DOCK5: variants seen among roughly 807,000 people sequenced by gnomAD.
The protein encoded by DOCK5 is dedicator of cytokinesis 5.
In DOCK5, 142 loss-of-function variants were observed where a neutral mutation model predicts 251.8. That is an observed-to-expected ratio of 0.56 (90% CI 0.49 to 0.65). DOCK5 has a LOEUF of 0.65. Among genes scored for constraint, DOCK5 ranks in the 30% least tolerant of loss-of-function variants. The pLI, the probability that DOCK5 is intolerant of heterozygous loss-of-function variation, is 0.00. For synonymous variants in DOCK5, 842 were observed against 835.5 expected, an observed-to-expected ratio of 1.01 and a Z score of -0.13; for missense variants, 2,111 against 2,312.3, an observed-to-expected ratio of 0.91 and a Z score of 1.79.
At chr8:25,266,756 A>G (rs1803763377) in intron 2 of DOCK5, among the ~76,000 whole-genome samples, 1 of 151,894 alleles carries the variant, frequency 6.6e-6, no homozygotes, top group Non-Finnish European at 1.5e-5. Context: ...ATGAACATTC[A>G]CGTTTACAAA....
intron 13 of DOCK5, among the ~76,000 whole-genome samples, chr8:25,311,054 G>C (rs1805079331): frequency 6.6e-6 from 1 of 152,044 alleles, no homozygotes; most frequent in African/African-American, 2.4e-5. Context: ...GGCTCTCCCT[G>C]TTCTTGTTGT....
At chr8:25,370,904 A>G (rs1800861639) in intron 34 of DOCK5, among the ~76,000 whole-genome samples, 1 of 152,038 alleles carries the variant, frequency 6.6e-6, no homozygotes, top group Non-Finnish European at 1.5e-5. Context: ...TCGGCTTCCT[A>G]ATGGGCTGGG....
At chr8:25,387,989 A>G (rs1341625842) in intron 40 of DOCK5, among the ~76,000 whole-genome samples, 1 of 152,218 alleles carries the variant, frequency 6.6e-6, no homozygotes, top group African/African-American at 2.4e-5. Context: ...ATGGAATTTC[A>G]ACAGGCTTGA....
chr8:25,277,761 T>G (rs112049278), intron 4 of DOCK5, among the ~76,000 whole-genome samples: 7 of 152,288 alleles, frequency 4.6e-5, no homozygotes, highest in African/African-American at 1.4e-4. Flanking sequence ...TAGTAAGTAA[T>G]TTTTCATAGT....
At chr8:25,342,865 AT>A (rs971247499) in intron 25 of DOCK5, among the ~76,000 whole-genome samples, 9 of 148,630 alleles carry the variant, frequency 6.1e-5, no homozygotes, top group South Asian at 4.3e-4. Context: ...AGCCCAGCTA[AT>A]TTTTTTTTAT....
chr8:25,323,908 G>C lies in DOCK5; in HGVS notation c.1676G>C (p.Gly559Ala), dbSNP rs1262556374. ...TTCGTGAAGCTGATGAACCCGGATG[G>C]CACCACTCTGCAGGATGGGAGGCAC... is the stretch of plus-strand genomic sequence containing the variant. ...VAFVKLMNPDGTTLQDGRHDL... is the reference protein window; with the variant it reads ...VAFVKLMNPDATTLQDGRHDL... Residue 559 changes from glycine to alanine, a missense_variant, in exon 17 of 52, where the codon GGC becomes GCC. Around this residue, in one of 3 missense-constraint regions of DOCK5, gnomAD observed 1,717 missense variants for 1,892.4 expected, o/e 0.91. Transcript: ENST00000276440. 1 of 1,613,192 alleles carries C rather than the reference G, an allele frequency of 6.2e-7. No individual in the cohort carries two copies. The highest frequency in any genetic ancestry group is 1.7e-5 in the Admixed American group (1 of 59,912).
In DOCK5 at chr8:25,324,633, A is replaced by C. The variant is rs527480351; in HGVS notation, c.1719+682A>C. ...TAATTCTTCTTCCATCAACCCAATA[A>C]AGTATAATTGTCCCCATTTTTTAAT... On this transcript the variant is annotated intron_variant, in intron 17 of 51. Transcript: ENST00000276440. 2.1e-4 allele frequency among the ~76,000 whole-genome samples: 32 copies of C among 152,304 alleles called. No individual in the cohort carries two copies. The South Asian group carries it at 6.6e-3, about 32-fold the overall frequency.
intron 9 of DOCK5, among the ~76,000 whole-genome samples, chr8:25,300,939 C>T (rs1804745295): frequency 6.6e-6 from 1 of 152,150 alleles, no homozygotes; most frequent in Non-Finnish European, 1.5e-5. Flanking sequence ...GGGGCTCACG[C>T]CTGTAATCCC....
At chr8:25,247,891 G>C (rs1359613522) in intron 2 of DOCK5, among the ~76,000 whole-genome samples, 1 of 152,168 alleles carries the variant, frequency 6.6e-6, no homozygotes, top group Non-Finnish European at 1.5e-5. Flanking sequence ...CTTCAGTTAT[G>C]GTGATCCGGA....
intron 1 of DOCK5, among the ~76,000 whole-genome samples, chr8:25,232,409 T>G (rs1426506574): frequency 3.3e-5 from 5 of 152,232 alleles, no homozygotes; most frequent in Non-Finnish European, 7.3e-5. Context: ...TTTGGCTACA[T>G]GTCTAAGTCT....
chr8:25,287,679 T>C (rs1051277441), intron 5 of DOCK5, among the ~76,000 whole-genome samples: 3 of 152,144 alleles, frequency 2.0e-5, no homozygotes, highest in East Asian at 1.9e-4. Flanking sequence ...AGGATTGTGC[T>C]CTTTTGTGGA....
At chr8:25,296,454 C>T in intron 6 of DOCK5, 59 bp from the exon 7 acceptor site, 3 of 1,567,084 alleles carry the variant, frequency 1.9e-6, no homozygotes, top group East Asian at 2.3e-5. Flanking sequence ...GACAAGGACT[C>T]CTCAGTAAAA....
At chr8:25,253,757 A>G (rs1803338152) in intron 2 of DOCK5, among the ~76,000 whole-genome samples, 1 of 152,246 alleles carries the variant, frequency 6.6e-6, no homozygotes. Context: ...TTGAAATACT[A>G]AATAAATGGA....
At chr8:25,264,594 G>A (rs1803686990) in intron 2 of DOCK5, among the ~76,000 whole-genome samples, 1 of 151,780 alleles carries the variant, frequency 6.6e-6, no homozygotes, top group Non-Finnish European at 1.5e-5. Context: ...GGGAGGCCGA[G>A]GCTGGTGGAT....
At chr8:25,405,396 C>G (rs1447092559) in intron 48 of DOCK5, among the ~76,000 whole-genome samples, 1 of 151,222 alleles carries the variant, frequency 6.6e-6, no homozygotes, top group East Asian at 1.9e-4. Flanking sequence ...CTACTCAATT[C>G]TTCTTATAAC....
At position 25,370,672 on chromosome 8, in the gene DOCK5, T is replaced by C. The variant is rs906163791; in HGVS notation, c.3524+1031T>C. On this transcript the variant is annotated intron_variant, in intron 34 of 51. Transcript: ENST00000276440. Reference sequence around the variant, plus strand: ...GCATATGTCGCCATTCCCAGCTGTTTCTTATTTTTACTTGTGTAGAAATGG... The same window carrying C: ...GCATATGTCGCCATTCCCAGCTGTTCCTTATTTTTACTTGTGTAGAAATGG... Among the ~76,000 whole-genome samples, 13 of 152,272 alleles carry C rather than the reference T, an allele frequency of 8.5e-5. No individual in the cohort carries two copies. The East Asian group carries it at 2.3e-3, about 27-fold the overall frequency.
intron 3 of DOCK5, among the ~76,000 whole-genome samples, chr8:25,274,568 T>C (rs894294192): frequency 1.3e-5 from 2 of 152,198 alleles, no homozygotes; most frequent in African/African-American, 4.8e-5. Flanking sequence ...TTTCCAGGCC[T>C]AAGTCTTCCC....
chr8:25,390,275 A>G lies in DOCK5; in HGVS notation c.4343A>G (p.Glu1448Gly). 6.3e-7 allele frequency: 1 copy of G among 1,580,392 alleles called. No individual in the cohort carries two copies. Among genetic ancestry groups the G allele is most frequent in the East Asian group, 2.3e-5 (1 of 43,474 alleles). The change falls in exon 42 of 52, where the codon GAG (glutamate) becomes GGG (glycine). Residue 1448 changes from glutamate (E) to glycine (G), a missense_variant. This residue lies in a region of DOCK5 where 1,717 missense variants were observed against 1,892.4 expected (regional missense o/e 0.91). Transcript: ENST00000276440. ...AGCTACAAGGATAAACCTGTTCCAG[A>G]GCAGATCTTAAAGTAAGTGGTTTTT... ...PPSYKDKPVP[E>G]QILNYYRANE...
rs138616877 is a variant in DOCK5, at chr8:25,400,454, C to T, written c.4788+460C>T. On this transcript the variant is annotated intron_variant, in intron 46 of 51. Transcript: ENST00000276440. Reference sequence around the variant, plus strand: ...CAGAGGTTGCAGTGAGCCGAGATCACGCCACAGCACTCCAGCCTGGGCAAC... The same window carrying T: ...CAGAGGTTGCAGTGAGCCGAGATCATGCCACAGCACTCCAGCCTGGGCAAC... 1.0e-2 allele frequency among the ~76,000 whole-genome samples: 1,313 copies of T among 131,692 alleles called. 19 individuals carry two copies. The highest frequency in any genetic ancestry group is 0.033 in the African/African-American group (1,185 of 36,088). The allele number at this position is 131,692 out of a possible 152,430, so 86.4% of individuals were successfully genotyped here.
Sources: gnomAD v4.1 joint callset for allele counts (sites outside exome capture counted in the v4.1 genomes callset) on GRCh38, gnomAD v4.1.1 for gene constraint, gnomAD v4.1.1 regional missense constraint, MANE v1.5 for transcripts, NCBI Gene and HGNC (gene_info 2026-07-23, HGNC 2026-07-21) for gene names.